PTPRB: variants seen among roughly 807,000 people sequenced by gnomAD.
PTPRB encodes receptor-type tyrosine-protein phosphatase beta.
PTPRB carries 97 observed loss-of-function variants against 238.1 expected under a neutral mutation model. The ratio of observed to expected loss-of-function variants is 0.41; its 90% CI spans 0.35 to 0.48. PTPRB has a LOEUF of 0.48. Among genes scored for constraint, PTPRB ranks in the 20% least tolerant of loss-of-function variants. The pLI is 0.30. For synonymous variants in PTPRB, 970 were observed against 995.4 expected, an observed-to-expected ratio of 0.97 and a Z score of 0.48; for missense variants, 2,292 against 2,681.9, an observed-to-expected ratio of 0.85 and a Z score of 3.21.
At chr12:70,608,840 C>T in intron 4 of PTPRB, 1 of 613,636 alleles carries the variant, frequency 1.6e-6, no homozygotes, top group Non-Finnish European at 2.7e-6. Context: ...CCACCCCGAC[C>T]CTTTCAGTAG....
At chr12:70,630,169 A>G (rs1885383619) in intron 2 of PTPRB, among the ~76,000 whole-genome samples, 1 of 152,216 alleles carries the variant, frequency 6.6e-6, no homozygotes, top group African/African-American at 2.4e-5. Context: ...AAAATCCTCA[A>G]TAAAATACTG....
chr12:70,551,465 T>C (rs1461782341), intron 21 of PTPRB, among the ~76,000 whole-genome samples: 1 of 152,180 alleles, frequency 6.6e-6, no homozygotes, highest in Non-Finnish European at 1.5e-5. Flanking sequence ...AACATCTGTC[T>C]GACTTTTTTG....
chr12:70,552,237 A>G (rs1248349185), intron 21 of PTPRB, among the ~76,000 whole-genome samples: 1 of 152,126 alleles, frequency 6.6e-6, no homozygotes, highest in East Asian at 1.9e-4. Context: ...TAATCCCAGC[A>G]CTTTGGGAGG....
At chr12:70,623,809 G>A (rs1289631712) in intron 2 of PTPRB, among the ~76,000 whole-genome samples, 2 of 152,080 alleles carry the variant, frequency 1.3e-5, no homozygotes, top group East Asian at 1.9e-4. Flanking sequence ...TCCTAAATAA[G>A]CTATTTATCA....
At chr12:70,542,547 C>T (rs1875300361) in intron 22 of PTPRB, 2 of 148,780 alleles carry the variant, frequency 1.3e-5, no homozygotes, top group East Asian at 4.0e-4. Flanking sequence ...CACCGCACTA[C>T]AGCCTGGGTG....
chr12:70,619,312 T>TGTTAATGATGAC (rs1555239521), intron 3 of PTPRB, among the ~76,000 whole-genome samples: 1 of 150,080 alleles, frequency 6.7e-6, no homozygotes, highest in East Asian at 2.0e-4. Flanking sequence ...ATGATGATGA[T>TGTTAATGATGAC]GATAATGATA....
At chr12:70,579,542 CA>C (rs1298901664) in intron 10 of PTPRB, among the ~76,000 whole-genome samples, 1 of 151,744 alleles carries the variant, frequency 6.6e-6, no homozygotes, top group African/African-American at 2.4e-5. Context: ...ACTAAAAGTA[CA>C]AAAATTAGCT....
intron 6 of PTPRB, 90 bp downstream of exon 6, chr12:70,594,377 A>G (rs1882791065): frequency 1.3e-6 from 2 of 1,493,838 alleles, no homozygotes; most frequent in Non-Finnish European, 1.8e-6. Flanking sequence ...AATTTGTCCT[A>G]TATTACAGTT....
chr12:70,554,650 G>T (rs1877375107), intron 20 of PTPRB, among the ~76,000 whole-genome samples: 1 of 152,178 alleles, frequency 6.6e-6, no homozygotes, highest in East Asian at 1.9e-4. Flanking sequence ...TGTTTTTCAT[G>T]AACATCTTTT....
intron 3 of PTPRB, among the ~76,000 whole-genome samples, chr12:70,619,120 C>T (rs1884804911): frequency 6.6e-6 from 1 of 151,398 alleles, no homozygotes; most frequent in African/African-American, 2.4e-5. Flanking sequence ...TTATCAGGCA[C>T]ACTATGTAAG....
At position 70,569,906 on chromosome 12, in the gene PTPRB, G is replaced by C. The variant is rs765929794; in HGVS notation, c.3403C>G (p.Pro1135Ala). Residue 1135 changes from proline to alanine, a missense_variant, in exon 14 of 34, where the codon CCC becomes GCC. Around this residue, in one of 4 missense-constraint regions of PTPRB, gnomAD observed 683 missense variants for 862.0 expected, o/e 0.79. Coordinates refer to ENST00000334414, the MANE Select transcript of PTPRB (RefSeq NM_001109754.4). ...GTCAGGCTATCTGTTGCTCCATTGGGAGAAATGTGAATATTTTTGACAGCA... is the reference window on the plus strand; with the variant it reads ...GTCAGGCTATCTGTTGCTCCATTGGCAGAAATGTGAATATTTTTGACAGCA... ...PSAVKNIHIS[P>A]NGATDSLTVN... The C allele has an allele frequency of 1.2e-6, 2 of 1,611,758 alleles. No homozygotes were observed. Among genetic ancestry groups the C allele is most frequent in the Admixed American group, 3.3e-5 (2 of 60,004 alleles).
At chr12:70,629,545 C>A (rs1189356375) in intron 2 of PTPRB, among the ~76,000 whole-genome samples, 2 of 152,106 alleles carry the variant, frequency 1.3e-5, no homozygotes, top group Non-Finnish European at 2.9e-5. Context: ...ACTAGAGAAA[C>A]AACAGCAAAC....
At chr12:70,605,464 T>C (rs1182212386) in intron 4 of PTPRB, among the ~76,000 whole-genome samples, 1 of 152,184 alleles carries the variant, frequency 6.6e-6, no homozygotes, top group African/African-American at 2.4e-5. Flanking sequence ...CTACCATGTA[T>C]TAGATGCCAT....
At chr12:70,569,445 T>A (rs973981915) in intron 14 of PTPRB, among the ~76,000 whole-genome samples, 1 of 152,224 alleles carries the variant, frequency 6.6e-6, no homozygotes, top group African/African-American at 2.4e-5. Context: ...TTAGCAAGTA[T>A]AAAAATGTGT....
At chr12:70,568,001 A>G (rs767397221) in intron 14 of PTPRB, among the ~76,000 whole-genome samples, 9 of 152,108 alleles carry the variant, frequency 5.9e-5, no homozygotes, top group Non-Finnish European at 1.2e-4. Flanking sequence ...TTATTCTAGT[A>G]TACTAAAAAA....
chr12:70,536,840 C>T (rs560257966), intron 28 of PTPRB, among the ~76,000 whole-genome samples: 2 of 152,354 alleles, frequency 1.3e-5, no homozygotes, highest in South Asian at 4.1e-4. Context: ...CCTTACTTAT[C>T]CTCAGCATGG....
At chr12:70,598,751 T>C (rs1030454218) in intron 4 of PTPRB, among the ~76,000 whole-genome samples, 1 of 152,190 alleles carries the variant, frequency 6.6e-6, no homozygotes, top group African/African-American at 2.4e-5. Context: ...ATCATCTACA[T>C]GTACTATCAA....
intron 4 of PTPRB, among the ~76,000 whole-genome samples, chr12:70,604,210 C>T (rs1467038153): frequency 6.6e-6 from 1 of 151,908 alleles, no homozygotes; most frequent in Non-Finnish European, 1.5e-5. Context: ...CACTGCACTC[C>T]AGCCTGGGTA....
rs573375755 is a variant in PTPRB, at chr12:70,623,451, G to C, written c.452-805C>G. 3.3e-5 allele frequency among the ~76,000 whole-genome samples: 5 copies of C among 152,298 alleles called. No individual in the cohort carries two copies. The South Asian group carries it at 8.3e-4, about 25-fold the overall frequency. ...CTAATGTGCAAATTCTGACGCACTAGAGATGGTCAGAGCCAGCCTTTTTAA... is the reference window on the plus strand; with the variant it reads ...CTAATGTGCAAATTCTGACGCACTACAGATGGTCAGAGCCAGCCTTTTTAA... On this transcript the variant is annotated intron_variant, in intron 2 of 33. Transcript: ENST00000334414.
Sources: allele counts gnomAD v4.1 joint callset (sites outside exome capture counted in the v4.1 genomes callset), GRCh38; gene constraint gnomAD v4.1.1; regional missense constraint gnomAD v4.1.1; transcripts MANE v1.5; gene names NCBI Gene and HGNC (gene_info 2026-07-23, HGNC 2026-07-21).